ZNF799: variants seen among roughly 807,000 people sequenced by gnomAD.
ZNF799 encodes zinc finger protein 799.
ZNF799 carries 28 observed loss-of-function variants against 41.0 expected under a neutral mutation model. The ratio of observed to expected loss-of-function variants is 0.68; its 90% confidence interval spans 0.51 to 0.94. ZNF799 has a LOEUF of 0.94. ZNF799 is among the 40% of genes least tolerant of loss of function. ZNF799 has a pLI of 0.00. For synonymous variants in ZNF799, 213 were observed against 252.9 expected, an observed-to-expected ratio of 0.84 and a Z score of 1.50; for missense variants, 716 against 764.3, an observed-to-expected ratio of 0.94 and a Z score of 0.74.
chr19:12,391,577 GTTCT>G lies in ZNF799; in HGVS notation c.817_820del (p.Arg273LeufsTer56), dbSNP rs764865398. 4.3e-6 allele frequency: 7 copies of G among 1,613,908 alleles called. No homozygotes were observed. The highest frequency in any genetic ancestry group is 2.7e-5 in the African/African-American group (2 of 74,870). On this transcript the variant is annotated frameshift_variant, in exon 4 of 4. Coordinates refer to ENST00000430385, the MANE Select transcript of ZNF799 (RefSeq NM_001080821.3). LOFTEE classifies it high-confidence loss of function. ...TGTATAGGGTTTCTTTCCAGTGTGAGTTCTTTCATGTCTTAGACAAGAACTGTAA... is the reference window on the plus strand; with the variant it reads ...TGTATAGGGTTTCTTTCCAGTGTGAGTTCATGTCTTAGACAAGAACTGTAA...
Position 12,391,257 on chromosome 19 carries a change from G to A in ZNF799, c.1141C>T (p.Arg381Ter), listed in dbSNP as rs751975853. Residue 381 changes from arginine to a stop codon, truncating the protein, a stop_gained, in exon 4 of 4, where the codon CGA becomes TGA. Coordinates refer to ENST00000430385, the MANE Select transcript of ZNF799 (RefSeq NM_001080821.3). LOFTEE classifies it high-confidence loss of function. ...GKALSHSSSF[R>*]RHMTMHTGDG... ...CCAGTGTGCATTGTCATGTGTCTTC[G>A]AAAGCTTGAGCTATGAGATAACGCT... The A allele has an allele frequency of 6.8e-6, 11 of 1,614,114 alleles. No homozygotes were observed. The highest frequency in any genetic ancestry group is 4.5e-5 in the East Asian group (2 of 44,852).
At chr19:12,399,800 A>G (rs1418265453) in intron 1 of ZNF799, among the ~76,000 whole-genome samples, 1 of 151,900 alleles carries the variant, frequency 6.6e-6, no homozygotes, top group Non-Finnish European at 1.5e-5. Context: ...CCAGCTACCA[A>G]GCCCAGCTAA....
upstream of ZNF799, among the ~76,000 whole-genome samples, chr19:12,405,703 T>G (rs1236696684): frequency 6.6e-6 from 1 of 152,152 alleles, no homozygotes; most frequent in Non-Finnish European, 1.5e-5. Flanking sequence ...AGTTTGAAAA[T>G]GTTACTAAAC....
At chr19:12,408,959 C>G in the ZNF799 span, among the ~76,000 whole-genome samples, 2 of 151,802 alleles carry the variant, frequency 1.3e-5, no homozygotes, top group South Asian at 4.2e-4. Context: ...CACTTGCACT[C>G]AGGAGGCAGA....
upstream of ZNF799, among the ~76,000 whole-genome samples, chr19:12,402,604 GC>G (rs377753927): frequency 4.3e-3 from 463 of 108,128 alleles, 3 homozygotes; most frequent in African/African-American, 0.021. Flanking sequence ...TAAGGTAGCT[GC>G]TTCTATACCC....
At chr19:12,393,888 G>T (rs778789105) in intron 1 of ZNF799, 6 of 295,592 alleles carry the variant, frequency 2.0e-5, no homozygotes, top group Non-Finnish European at 3.1e-5. Flanking sequence ...TAATAATAGG[G>T]GTGGAGTGTG....
At chr19:12,406,168 CAAAAAAA>C (rs940819306), upstream of ZNF799, among the ~76,000 whole-genome samples, 1 of 58,988 alleles carries the variant, frequency 1.7e-5, no homozygotes, top group African/African-American at 5.1e-5. Context: ...GACTCTGTCT[CAAAAAAA>C]AAAAAAAAAA....
chr19:12,407,667 A>G, the ZNF799 span, among the ~76,000 whole-genome samples: 3 of 152,152 alleles, frequency 2.0e-5, no homozygotes, highest in African/African-American at 4.8e-5. Flanking sequence ...AACTAATAAT[A>G]TCAACAATGT....
chr19:12,412,625 C>T, the ZNF799 span, among the ~76,000 whole-genome samples: 2,762 of 151,524 alleles, frequency 0.018, 88 homozygotes, highest in African/African-American at 0.064. Flanking sequence ...GACATTTAGG[C>T]ATTATTAGGC....
chr19:12,406,773 G>A, the ZNF799 span, among the ~76,000 whole-genome samples: 1 of 151,746 alleles, frequency 6.6e-6, no homozygotes, highest in East Asian at 2.0e-4. Context: ...GGTGGCGGGC[G>A]CCTGTAGTCC....
At chr19:12,405,955 A>C (rs1358706665), upstream of ZNF799, among the ~76,000 whole-genome samples, 1 of 152,074 alleles carries the variant, frequency 6.6e-6, no homozygotes, top group Non-Finnish European at 1.5e-5. Context: ...GGGGCAGATC[A>C]CAAGGTCAAG....
chr19:12,392,138 A>G lies in ZNF799; in HGVS notation c.260T>C (p.Ile87Thr), dbSNP rs1241314424. ...GTQCGETSSQ[I>T]QDSIVTKNTL... is the part of the protein sequence containing the mutation. ...GTTCTTGGTCACAATACTATCTTGA[A>G]TCTGGCTAGATGTTTCTCCACATTG... Residue 87 changes from isoleucine (I) to threonine (T), a missense_variant, in exon 4 of 4, where the codon ATT becomes ACT. Ile to Thr is a moderately conservative substitution (Grantham distance 89). Transcript: ENST00000430385. 2 of 1,613,116 alleles carry G rather than the reference A, an allele frequency of 1.2e-6. No individual in the cohort carries two copies. Among genetic ancestry groups the G allele is most frequent in the African/African-American group, 2.7e-5 (2 of 74,920 alleles).
In ZNF799 at chr19:12,400,823, G is replaced by A. The variant is rs890781637; in HGVS notation, c.3+245C>T. Reference sequence around the variant, plus strand: ...ACAATCTCGGGAGACGCGAGGCTGCGGGCGCGGAGCTGCCCAGAGAGGGCG... The same window carrying A: ...ACAATCTCGGGAGACGCGAGGCTGCAGGCGCGGAGCTGCCCAGAGAGGGCG... On this transcript the variant is annotated intron_variant, in intron 1 of 3. Transcript: ENST00000430385. 24 of 610,582 alleles carry A rather than the reference G, an allele frequency of 3.9e-5. No homozygotes were observed. In the Admixed American group the frequency reaches 5.7e-4, roughly 15 times the overall value. 37.8% of individuals were successfully genotyped at this position (610,582 alleles called of 1,614,324 possible).
the ZNF799 span, among the ~76,000 whole-genome samples, chr19:12,413,594 G>A: frequency 0.017 from 2,587 of 152,316 alleles, 23 homozygotes; most frequent in Non-Finnish European, 0.026. Context: ...GTCTTTGTAA[G>A]GAATAAACAC....
Position 12,390,665 on chromosome 19 carries a change from T to C in ZNF799, c.1733A>G (p.His578Arg). Residue 578 changes from histidine (H) to arginine (R), a missense_variant, in exon 4 of 4, where the codon CAT becomes CGT. Coordinates refer to ENST00000430385, the MANE Select transcript of ZNF799 (RefSeq NM_001080821.3). ...GTTCTCTCCAGTATGAGTTTTTTCATGTCCTTGAAGAAAACGGGAATGAGT... is the reference window on the plus strand; with the variant it reads ...GTTCTCTCCAGTATGAGTTTTTTCACGTCCTTGAAGAAAACGGGAATGAGT... ...AFTHSRFLQG[H>R]EKTHTGENPY... is the part of the protein sequence containing the mutation. 1 of 1,613,886 alleles carries C rather than the reference T, an allele frequency of 6.2e-7. No homozygotes were observed. The highest frequency in any genetic ancestry group is 1.1e-5 in the South Asian group (1 of 91,068).
chr19:12,401,034 C>A, intron 1 of ZNF799, 34 bp downstream of exon 1: 1 of 1,613,964 alleles, frequency 6.2e-7, no homozygotes, highest in Non-Finnish European at 8.5e-7. Flanking sequence ...CCCAGCCCCT[C>A]CCCCGCCTCG....
chr19:12,406,636 C>T, the ZNF799 span, among the ~76,000 whole-genome samples: 1 of 152,162 alleles, frequency 6.6e-6, no homozygotes, highest in Non-Finnish European at 1.5e-5. Context: ...CGCGGTGGCT[C>T]ATGCCTGTAA....
chr19:12,401,152 G>C lies in ZNF799; in HGVS notation c.-82C>G, dbSNP rs557447476. The C allele has an allele frequency of 1.1e-5, 17 of 1,610,198 alleles. 1 individual carries two copies. In the Admixed American group the frequency reaches 1.3e-4, roughly 13 times the overall value. ...TTCCCGCGGGACACAGGCTGCCACG[G>C]AACTTCCAGGTCGTCTCTTAGCTAC... is the stretch of plus-strand genomic sequence containing the variant. On this transcript the variant is annotated 5_prime_UTR_variant, in exon 1 of 4. Transcript: ENST00000430385.
the ZNF799 span, among the ~76,000 whole-genome samples, chr19:12,412,979 G>A: frequency 6.9e-5 from 10 of 145,314 alleles, no homozygotes; most frequent in South Asian, 1.6e-3. Context: ...GATGGTGAGC[G>A]GAGGCTATGG....
Sources: allele counts gnomAD v4.1 joint callset (sites outside exome capture counted in the v4.1 genomes callset), GRCh38; gene constraint gnomAD v4.1.1; transcripts MANE v1.5; gene names NCBI Gene and HGNC (gene_info 2026-07-23, HGNC 2026-07-21).